The following SDK1 variants were observed in gnomAD, a reference collection of about 807,000 sequenced individuals.
The protein encoded by SDK1 is protein sidekick-1.
A neutral mutation model predicts 245.5 loss-of-function variants in SDK1; 157 were observed. The observed-to-expected ratio is 0.64, with a 90% CI of 0.56 to 0.73. The LOEUF (loss-of-function observed/expected upper bound fraction) is 0.73, where lower values mean the gene tolerates loss of function less well. Among genes scored for constraint, SDK1 ranks in the 30% least tolerant of loss-of-function variants. The pLI, the probability that SDK1 is intolerant of heterozygous loss-of-function variation, is 0.00. For synonymous variants in SDK1, 1,647 were observed against 1,278.5 expected (o/e 1.29, Z -6.15); for missense variants, 3,583 against 3,002.3 (o/e 1.19, Z -4.52).
chr7:4,207,650 A>G (rs1284320557), intron 36 of SDK1, among the ~76,000 whole-genome samples: 2 of 152,078 alleles, frequency 1.3e-5, no homozygotes, highest in East Asian at 3.9e-4. Context: ...TGTTGTCTCC[A>G]TAGCTCGGAG....
At chr7:3,893,799 G>C (rs911619913) in intron 5 of SDK1, among the ~76,000 whole-genome samples, 3 of 151,624 alleles carry the variant, frequency 2.0e-5, no homozygotes, top group Non-Finnish European at 4.4e-5. Context: ...TGGTGATTTC[G>C]TGATCCCAGT....
chr7:3,817,894 A>G (rs1779549036), intron 4 of SDK1, among the ~76,000 whole-genome samples: 1 of 152,244 alleles, frequency 6.6e-6, no homozygotes. Context: ...GTCTTCCTTT[A>G]CTGAACTGCA....
intron 4 of SDK1, among the ~76,000 whole-genome samples, chr7:3,676,457 C>T (rs1427949753): frequency 6.6e-6 from 1 of 151,948 alleles, no homozygotes; most frequent in South Asian, 2.1e-4. Flanking sequence ...TCCCAAGTAG[C>T]TGGGACTACA....
chr7:3,314,846 T>C (rs181707833), intron 1 of SDK1, among the ~76,000 whole-genome samples: 2 of 152,320 alleles, frequency 1.3e-5, no homozygotes, highest in East Asian at 3.9e-4. Flanking sequence ...AAATTGCTCT[T>C]TCTTGGGTGA....
intron 4 of SDK1, among the ~76,000 whole-genome samples, chr7:3,730,079 C>T (rs1779134215): frequency 6.6e-6 from 1 of 152,020 alleles, no homozygotes; most frequent in Non-Finnish European, 1.5e-5. Context: ...GATTTGATGG[C>T]CCCTAGCAGG....
In SDK1 at chr7:3,663,505, C is replaced by A. The variant is rs1783429498; in HGVS notation, c.713+21400C>A. Among the ~76,000 whole-genome samples, 5 of 152,178 alleles carry A rather than the reference C, an allele frequency of 3.3e-5. No individual in the cohort carries two copies. In the South Asian group the frequency reaches 1.0e-3, roughly 32 times the overall value. On this transcript the variant is annotated intron_variant, in intron 4 of 44. Transcript: ENST00000404826. ...GATGTTGTCCGCTTAGAGGTTTGTT[C>A]TTCAGCTGAGGGACCTGAACAACAC...
chr7:3,914,044 G>C (rs913278056), intron 5 of SDK1, among the ~76,000 whole-genome samples: 1 of 152,180 alleles, frequency 6.6e-6, no homozygotes, highest in Non-Finnish European at 1.5e-5. Flanking sequence ...ATCTACTCCA[G>C]ATGTTGAAAA....
At chr7:3,935,648 G>C (rs932449512) in intron 5 of SDK1, among the ~76,000 whole-genome samples, 1 of 152,132 alleles carries the variant, frequency 6.6e-6, no homozygotes, top group African/African-American at 2.4e-5. Flanking sequence ...CTAATCATGA[G>C]GGAAATGCAA....
At chr7:3,946,692 G>A (rs528558781) in intron 5 of SDK1, among the ~76,000 whole-genome samples, 5 of 152,272 alleles carry the variant, frequency 3.3e-5, no homozygotes, top group Admixed American at 3.3e-4. Flanking sequence ...CTCTAGCTAA[G>A]TGAGGACATA....
intron 4 of SDK1, among the ~76,000 whole-genome samples, chr7:3,773,215 G>A (rs1321837295): frequency 1.3e-5 from 2 of 151,888 alleles, no homozygotes; most frequent in Admixed American, 6.6e-5. Flanking sequence ...AGTCCCTTTT[G>A]CTCTGTTCAC....
intron 14 of SDK1, among the ~76,000 whole-genome samples, chr7:3,999,029 G>C (rs1010622158): frequency 6.6e-6 from 1 of 151,964 alleles, no homozygotes; most frequent in African/African-American, 2.4e-5. Context: ...TTTTGTTTTT[G>C]TTTGTATGTA....
At chr7:3,939,612 T>C (rs1409909410) in intron 5 of SDK1, among the ~76,000 whole-genome samples, 1 of 152,224 alleles carries the variant, frequency 6.6e-6, no homozygotes. Flanking sequence ...CCTGCACGTC[T>C]TTCACTTTGG....
intron 1 of SDK1, among the ~76,000 whole-genome samples, chr7:3,437,240 GT>G (rs200790621): frequency 3.3e-5 from 5 of 151,652 alleles, no homozygotes; most frequent in African/African-American, 4.8e-5. Flanking sequence ...AGTAATAAAA[GT>G]TTTTTTTTCT....
chr7:3,803,706 T>G (rs1779168443), intron 4 of SDK1, among the ~76,000 whole-genome samples: 1 of 152,144 alleles, frequency 6.6e-6, no homozygotes, highest in South Asian at 2.1e-4. Context: ...ATTTGTGTTT[T>G]GCAGATATTT....
chr7:4,238,303 A>T (rs767998896), intron 42 of SDK1, among the ~76,000 whole-genome samples: 13 of 151,568 alleles, frequency 8.6e-5, no homozygotes, highest in Non-Finnish European at 1.2e-4. Flanking sequence ...TGGTCTCGAA[A>T]TCCTGACCTC....
chr7:3,983,924 G>A (rs969701917), intron 13 of SDK1, among the ~76,000 whole-genome samples: 1 of 152,162 alleles, frequency 6.6e-6, no homozygotes, highest in Non-Finnish European at 1.5e-5. Context: ...TGCACATCAC[G>A]GGCACTCAGG....
intron 16 of SDK1, among the ~76,000 whole-genome samples, chr7:4,012,500 T>A (rs993037147): frequency 1.7e-4 from 23 of 133,692 alleles, no homozygotes; most frequent in African/African-American, 6.0e-4. Flanking sequence ...GGCAGGAGAA[T>A]GGAGGGGGTA....
chr7:3,755,085 C>T lies in SDK1; in HGVS notation c.714-66365C>T, dbSNP rs76779161. ...TTCAGAGCTTGCTATACCAAGGGAG[C>T]CATCCTTTGCTCTTGGCAGAGACTC... On this transcript the variant is annotated intron_variant, in intron 4 of 44. Coordinates refer to ENST00000404826, the MANE Select transcript of SDK1 (RefSeq NM_152744.4). 5.5e-3 allele frequency among the ~76,000 whole-genome samples: 832 copies of T among 152,312 alleles called. 10 individuals are homozygous for T. Among genetic ancestry groups the T allele is most frequent in the African/African-American group, 0.019 (799 of 41,562 alleles).
In SDK1 at chr7:4,246,451, A is replaced by G. The variant is rs987180529; in HGVS notation, c.6381+646A>G. The stretch of plus-strand genomic sequence containing the variant: ...CTTTCATAGATAAACATAGGCTGCC[A>G]TAAAAATTGGTGGTCTGTAGACCCC... On this transcript the variant is annotated intron_variant, in intron 44 of 44. Transcript: ENST00000404826. 2.0e-5 allele frequency among the ~76,000 whole-genome samples: 3 copies of G among 152,148 alleles called. 1 individual carries two copies. The highest frequency in any genetic ancestry group is 4.8e-5 in the African/African-American group (2 of 41,424).
Sources: allele counts gnomAD v4.1 joint callset (sites outside exome capture counted in the v4.1 genomes callset), GRCh38; gene constraint gnomAD v4.1.1; transcripts MANE v1.5; gene names NCBI Gene and HGNC (gene_info 2026-07-23, HGNC 2026-07-21).